The following MAPK10 variants were observed in gnomAD, a reference collection of about 807,000 sequenced individuals.
The protein encoded by MAPK10 is JNK3 alpha protein kinase.
In MAPK10, 25 loss-of-function variants were observed where a neutral mutation model predicts 59.3. The ratio of observed to expected loss-of-function variants is 0.42; its 90% CI spans 0.31 to 0.59. MAPK10 has a LOEUF of 0.59. Ranked by LOEUF, MAPK10 falls within the 20% of genes least tolerant of loss-of-function variation. The probability of loss-of-function intolerance (pLI) is 0.15; values close to 1 mark genes in which losing one functional copy is unlikely to be tolerated. For missense variants in MAPK10, 351 were observed against 568.9 expected (o/e 0.62, Z 3.90); for synonymous variants, 190 against 200.5 (o/e 0.95, Z 0.44).
chr4:86,143,842 C>T (rs916654268), intron 4 of MAPK10, among the ~76,000 whole-genome samples: 1 of 152,134 alleles, frequency 6.6e-6, no homozygotes, highest in Non-Finnish European at 1.5e-5. Context: ...AATACACATT[C>T]TTTCAATTCT....
intron 1 of MAPK10, among the ~76,000 whole-genome samples, chr4:86,470,061 C>G (rs1352277244): frequency 6.6e-6 from 1 of 152,224 alleles, no homozygotes; most frequent in East Asian, 1.9e-4. Flanking sequence ...AAAGTAAACA[C>G]TGCTTTGCAG....
intron 2 of MAPK10, among the ~76,000 whole-genome samples, chr4:86,270,149 G>A (rs2094388666): frequency 1.3e-5 from 2 of 151,886 alleles, no homozygotes; most frequent in Admixed American, 1.3e-4. Flanking sequence ...ATCCATTTAA[G>A]CACAGAAATT....
At chr4:86,046,951 A>G (rs1253772654) in intron 11 of MAPK10, among the ~76,000 whole-genome samples, 6 of 152,164 alleles carry the variant, frequency 3.9e-5, no homozygotes, top group Non-Finnish European at 8.8e-5. Context: ...AAAAAGAGAT[A>G]TATAATGTCA....
chr4:86,588,618 A>C (rs150484627), intron 1 of MAPK10, among the ~76,000 whole-genome samples: 1 of 152,166 alleles, frequency 6.6e-6, no homozygotes, highest in African/African-American at 2.4e-5. Context: ...CCTTGATCAC[A>C]TATCTGGTCA....
chr4:86,076,635 T>C (rs1045917617), intron 9 of MAPK10, among the ~76,000 whole-genome samples: 26 of 152,230 alleles, frequency 1.7e-4, no homozygotes, highest in African/African-American at 6.0e-4. Context: ...GCCCCTTCCT[T>C]AGTCTATCAG....
chr4:86,168,777 C>A (rs2072910274), intron 3 of MAPK10, among the ~76,000 whole-genome samples: 2 of 152,134 alleles, frequency 1.3e-5, no homozygotes, highest in Admixed American at 1.3e-4. Context: ...GGTCCCTGAC[C>A]CCTGACCCCC....
At chr4:86,430,774 AC>A (rs1747939605) in intron 1 of MAPK10, among the ~76,000 whole-genome samples, 2 of 152,254 alleles carry the variant, frequency 1.3e-5, no homozygotes, top group East Asian at 3.9e-4. Flanking sequence ...AAGGGAAAAA[AC>A]GTCACGATAC....
intron 1 of MAPK10, among the ~76,000 whole-genome samples, chr4:86,586,544 C>T (rs562952712): frequency 1.3e-5 from 2 of 152,268 alleles, no homozygotes; most frequent in East Asian, 3.9e-4. Flanking sequence ...TCCACATTAA[C>T]GTGTGAAGAG....
At chr4:86,343,480 T>G (rs919734947) in intron 2 of MAPK10, among the ~76,000 whole-genome samples, 2 of 152,128 alleles carry the variant, frequency 1.3e-5, no homozygotes, top group African/African-American at 4.8e-5. Flanking sequence ...AAAACACTAT[T>G]TTCTCGATTT....
intron 3 of MAPK10, among the ~76,000 whole-genome samples, chr4:86,187,020 AG>A (rs2078402894): frequency 6.6e-6 from 1 of 152,136 alleles, no homozygotes; most frequent in South Asian, 2.1e-4. Context: ...ATTAGGCATC[AG>A]AAAAAAAACT....
chr4:86,197,259 T>C (rs1166574583), intron 2 of MAPK10, among the ~76,000 whole-genome samples: 1 of 152,204 alleles, frequency 6.6e-6, no homozygotes, highest in Non-Finnish European at 1.5e-5. Context: ...TAGTTCTCCT[T>C]GCTCTTCAAG....
intron 4 of MAPK10, among the ~76,000 whole-genome samples, chr4:86,153,622 T>G (rs2066995480): frequency 6.6e-6 from 1 of 152,156 alleles, no homozygotes; most frequent in Admixed American, 6.6e-5. Flanking sequence ...TTTCTGTAAA[T>G]ATACTGCCAT....
chr4:86,135,277 A>G (rs2061767913), intron 4 of MAPK10, among the ~76,000 whole-genome samples: 1 of 152,204 alleles, frequency 6.6e-6, no homozygotes, highest in Non-Finnish European at 1.5e-5. Flanking sequence ...TGCAGACTTA[A>G]ATGTCCCTGT....
intron 2 of MAPK10, among the ~76,000 whole-genome samples, chr4:86,262,229 C>T (rs1439332133): frequency 6.6e-6 from 1 of 152,176 alleles, no homozygotes; most frequent in East Asian, 1.9e-4. Flanking sequence ...TTTCCTCCCC[C>T]TCCCCTCTCT....
intron 1 of MAPK10, among the ~76,000 whole-genome samples, chr4:86,585,339 C>T (rs962476475): frequency 1.3e-5 from 2 of 152,100 alleles, no homozygotes; most frequent in African/African-American, 4.8e-5. Context: ...GAATATATTA[C>T]AAAAATATAT....
At chr4:86,498,497 G>T (rs1380005317) in intron 1 of MAPK10, among the ~76,000 whole-genome samples, 3 of 152,282 alleles carry the variant, frequency 2.0e-5, no homozygotes, top group Middle Eastern at 3.4e-3. Context: ...ACTGGTTGTG[G>T]CTTTTAGATA....
At chr4:86,342,540 C>CAA (rs10639063) in intron 2 of MAPK10, among the ~76,000 whole-genome samples, 111,008 of 151,894 alleles carry the variant, frequency 0.73, 41,146 homozygotes, top group South Asian at 0.9. Context: ...GTCTTCCTGT[C>CAA]AGAGCTCATT....
Position 86,015,294 on chromosome 4 carries a change from C to CT in MAPK10, c.*1933dup, listed in dbSNP as rs1241456779. On this transcript the variant is annotated 3_prime_UTR_variant, in exon 14 of 14. Transcript: ENST00000641462. ...AGGTGGGTGCAGTTCCCTGTGGTCTCTATTGCTTGAAGAGAGAAAGAAAGT... is the reference window on the plus strand; with the variant it reads ...AGGTGGGTGCAGTTCCCTGTGGTCTCTTATTGCTTGAAGAGAGAAAGAAAGT... 1 of 152,150 alleles carries CT rather than the reference C, an allele frequency of 6.6e-6. No individual in the cohort carries two copies. 9.4% of individuals were successfully genotyped at this position (152,150 alleles called of 1,614,324 possible). A position where few individuals can be genotyped will look rare whatever the true frequency, so the allele number is the denominator to read the frequency against.
chr4:86,173,877 T>C (rs1484180276), intron 3 of MAPK10, among the ~76,000 whole-genome samples: 1 of 152,042 alleles, frequency 6.6e-6, no homozygotes, highest in Non-Finnish European at 1.5e-5. Context: ...GAAAAAAAGC[T>C]CGTCACTGAT....
Sources: gnomAD v4.1 joint callset for allele counts (sites outside exome capture counted in the v4.1 genomes callset) on GRCh38, gnomAD v4.1.1 for gene constraint, MANE v1.5 for transcripts, NCBI Gene and HGNC (gene_info 2026-07-23, HGNC 2026-07-21) for gene names.